HTR3D: variants seen among roughly 807,000 people sequenced by gnomAD.
The protein encoded by HTR3D is 5-hydroxytryptamine receptor 3D.
HTR3D carries 47 observed loss-of-function variants against 45.8 expected under a neutral mutation model. The observed-to-expected ratio is 1.03, with a 90% CI of 0.81 to 1.31. The LOEUF (loss-of-function observed/expected upper bound fraction) is 1.31. Ranked by LOEUF, HTR3D falls within the 50% of genes most tolerant of loss-of-function variation. The probability of loss-of-function intolerance (pLI) is 0.00; values close to 1 mark genes in which losing one functional copy is unlikely to be tolerated. For synonymous variants in HTR3D, 203 were observed against 199.8 expected (o/e 1.02, Z -0.13); for missense variants, 448 against 506.9 (o/e 0.88, Z 1.12).
intron 3 of HTR3D, 84 bp downstream of exon 3, chr3:184,036,184 C>G: frequency 6.7e-7 from 1 of 1,496,118 alleles, no homozygotes; most frequent in African/African-American, 1.4e-5. Context: ...CACAAAGACT[C>G]AACTTAGAAA....
At chr3:184,033,318 G>T (rs543487481) in intron 1 of HTR3D, among the ~76,000 whole-genome samples, 4 of 151,872 alleles carry the variant, frequency 2.6e-5, no homozygotes, top group Non-Finnish European at 5.9e-5. Flanking sequence ...GGCCAGGCTG[G>T]TCTCAAATTC....
Position 184,038,861 on chromosome 3 carries a change from C to G in HTR3D, c.1101C>G (p.His367Gln), listed in dbSNP as rs763797019. Residue 367 changes from histidine (H) to glutamine (Q), a missense_variant, in exon 8 of 8, where the codon CAC (histidine) becomes CAG (glutamine). By Grantham distance (24) the His-to-Gln change is conservative (BLOSUM62 0). Coordinates refer to ENST00000428798, the MANE Select transcript of HTR3D (RefSeq NM_001145143.1). The surrounding 1 kb of genome is among the most constrained non-coding windows in gnomAD (Gnocchi z 4.5). ...AQREHEAQKQ[H>Q]SVELWVQFSH... is the part of the protein sequence containing the mutation. Reference sequence around the variant, plus strand: ...GGGAACACGAGGCCCAGAAGCAGCACTCGGTGGAGCTGTGGGTGCAGTTCA... The same window carrying G: ...GGGAACACGAGGCCCAGAAGCAGCAGTCGGTGGAGCTGTGGGTGCAGTTCA... The G allele has an allele frequency of 7.4e-6, 12 of 1,614,222 alleles. 1 individual carries two copies. Among genetic ancestry groups the G allele is most frequent in the Non-Finnish European group, 1.0e-5 (12 of 1,180,038 alleles).
At chr3:184,034,102 T>C (rs1481652229) in intron 1 of HTR3D, among the ~76,000 whole-genome samples, 1 of 152,184 alleles carries the variant, frequency 6.6e-6, no homozygotes, top group African/African-American at 2.4e-5. Context: ...ATAATTATAC[T>C]TCTGGATAAA....
chr3:184,035,785 A>G (rs191812339), intron 2 of HTR3D, among the ~76,000 whole-genome samples: 4 of 151,814 alleles, frequency 2.6e-5, no homozygotes, highest in African/African-American at 9.7e-5. Flanking sequence ...TCCTGGGTTC[A>G]AGCGATTTTC....
At chr3:184,037,207 T>G (rs1233155348) in intron 5 of HTR3D, among the ~76,000 whole-genome samples, 1 of 151,962 alleles carries the variant, frequency 6.6e-6, no homozygotes, top group Non-Finnish European at 1.5e-5. Flanking sequence ...GCCCGGCTAA[T>G]TTTTGTATTT....
rs759344388 is a variant in HTR3D, at chr3:184,038,215, T to C, written c.711T>C (p.Thr237=). 1.2e-6 allele frequency: 2 copies of C among 1,614,190 alleles called. No individual in the cohort carries two copies. Among genetic ancestry groups the C allele is most frequent in the South Asian group, 1.1e-5 (1 of 91,084 alleles). The stretch of plus-strand genomic sequence containing the variant: ...TGATGAATGACTTGCTCCCAGCCAC[T>C]AGCACTTCATCACATGCTTCACTAG... ...LLMMNDLLPA[T]STSSHASLVR... Residue 237 remains threonine (T), a synonymous_variant, in exon 6 of 8, where the codon ACT becomes ACC. Transcript: ENST00000428798. The surrounding 1 kb of genome is among the most constrained non-coding windows in gnomAD (Gnocchi z 4.5).
chr3:184,031,766 A>C lies in HTR3D; in HGVS notation c.25A>C (p.Lys9Gln). The C allele has an allele frequency of 6.4e-7, 1 of 1,551,468 alleles. No individual in the cohort carries two copies. Among genetic ancestry groups the C allele is most frequent in the Non-Finnish European group, 8.7e-7 (1 of 1,146,830 alleles). ...GATGGAAAGAGGCTGGTTCCATGGG[A>C]AAGGATTCCTCCTTGGCTTCATCCT... MERGWFHG[K>Q]GFLLGFILHL... The change falls in exon 1 of 8, where the codon AAA (lysine) becomes CAA (glutamine). Residue 9 changes from lysine to glutamine, a missense_variant. Lys to Gln is a moderately conservative substitution (Grantham distance 53). Transcript: ENST00000428798.
At position 184,038,505 on chromosome 3, in the gene HTR3D, T is replaced by C. The variant is rs764374269; in HGVS notation, c.866T>C (p.Leu289Pro). Residue 289 changes from leucine to proline, a missense_variant, in exon 7 of 8, where the codon CTA (leucine) becomes CCA (proline). Transcript: ENST00000428798. This position sits in a 1 kb window ranked among gnomAD's most constrained non-coding sequence, Gnocchi z 4.5. The part of the protein sequence containing the change: ...HLLHVATTQP[L>P]PLPRWLHSLL... ...CTGCACGTGGCCACCACCCAGCCCC[T>C]ACCTCTGCCTCGGTGGCTCCACTCC... is the stretch of plus-strand genomic sequence containing the variant. 1.2e-5 allele frequency: 20 copies of C among 1,613,718 alleles called. No individual in the cohort carries two copies. The highest frequency in any genetic ancestry group is 3.3e-4 in the Middle Eastern group (2 of 5,976).
intron 1 of HTR3D, chr3:184,034,962 C>A: frequency 9.2e-7 from 1 of 1,090,208 alleles, no homozygotes; most frequent in Non-Finnish European, 1.2e-6. Flanking sequence ...TTTTGGAATA[C>A]TTGTCAAAAC....
rs1461299249 is a variant in HTR3D, at chr3:184,038,149, C to G, written c.645C>G (p.Phe215Leu). 1 of 1,614,206 alleles carries G rather than the reference C, an allele frequency of 6.2e-7. No homozygotes were observed. Among genetic ancestry groups the G allele is most frequent in the Non-Finnish European group, 8.5e-7 (1 of 1,180,032 alleles). The change falls in exon 6 of 8, where the codon TTC (phenylalanine) becomes TTG (leucine). Residue 215 changes from phenylalanine (F) to leucine (L), a missense_variant. Physicochemically the swap from Phe to Leu is conservative, Grantham distance 22 (BLOSUM62 0). Coordinates refer to ENST00000428798, the MANE Select transcript of HTR3D (RefSeq NM_001145143.1). This position sits in a 1 kb window ranked among gnomAD's most constrained non-coding sequence, Gnocchi z 4.5. ...TGGAAAGTGGGAATTGTGCCCCATTCAAGATGACTGTTCTGCTGGGCTACA... is the reference window on the plus strand; with the variant it reads ...TGGAAAGTGGGAATTGTGCCCCATTGAAGATGACTGTTCTGCTGGGCTACA... Reference protein sequence around the residue: ...LPLESGNCAPFKMTVLLGYSV... With the variant: ...LPLESGNCAPLKMTVLLGYSV...
chr3:184,034,944 T>C, intron 1 of HTR3D: 1 of 914,854 alleles, frequency 1.1e-6, no homozygotes, highest in Non-Finnish European at 1.5e-6. Context: ...GCAGGTAAAA[T>C]CTGTTCTTTT....
chr3:184,032,411 C>T (rs544687443), intron 1 of HTR3D, among the ~76,000 whole-genome samples: 34 of 152,308 alleles, frequency 2.2e-4, no homozygotes, highest in Middle Eastern at 3.4e-3. Context: ...TGATTTGTTT[C>T]CTTAAGATCC....
chr3:184,037,575 A>G (rs1246485634), intron 5 of HTR3D, among the ~76,000 whole-genome samples: 1 of 152,204 alleles, frequency 6.6e-6, no homozygotes, highest in African/African-American at 2.4e-5. Context: ...CCTTAGGGAT[A>G]TGATGATTCC....
At chr3:184,031,683 A>G (rs1035036071), upstream of HTR3D, 5 of 1,212,396 alleles carry the variant, frequency 4.1e-6, no homozygotes, top group African/African-American at 7.5e-5. Context: ...GTGTGATCTG[A>G]GGTTTTTTAA....
chr3:184,039,146 G>A lies in HTR3D; in HGVS notation c.*171G>A, dbSNP rs373720559. On this transcript the variant is annotated 3_prime_UTR_variant, in exon 8 of 8. Transcript: ENST00000428798. ...TAGTCTCCTATGCCCTCCAAAAGTC[G>A]GGTCCTTGCTCCTGCATGCCATCAG... The A allele has an allele frequency of 1.3e-5, 9 of 695,988 alleles. No individual in the cohort carries two copies. Among genetic ancestry groups the A allele is most frequent in the South Asian group, 2.0e-5 (1 of 50,432 alleles). 43.1% of individuals were successfully genotyped at this position (695,988 alleles called of 1,614,324 possible).
At chr3:184,034,089 C>G (rs961383497) in intron 1 of HTR3D, among the ~76,000 whole-genome samples, 1 of 152,032 alleles carries the variant, frequency 6.6e-6, no homozygotes, top group African/African-American at 2.4e-5. Context: ...ACCATACAAC[C>G]AAATAATTAT....
intron 1 of HTR3D, among the ~76,000 whole-genome samples, chr3:184,032,665 C>T (rs796181632): frequency 2.6e-5 from 4 of 152,278 alleles, no homozygotes; most frequent in African/African-American, 9.6e-5. Flanking sequence ...TTTGCATACA[C>T]ATCTGGACAG....
rs1457332254 is a variant in HTR3D at position 184,034,249 on chromosome 3, A to G, written c.67-929A>G. On this transcript the variant is annotated intron_variant, in intron 1 of 7. Coordinates refer to ENST00000428798, the MANE Select transcript of HTR3D (RefSeq NM_001145143.1). ...AGATTAAATGTGGTATGTACTTACAATGGAATACTATGCAGCCTTCAAATG... is the reference window on the plus strand; with the variant it reads ...AGATTAAATGTGGTATGTACTTACAGTGGAATACTATGCAGCCTTCAAATG... 3.9e-5 allele frequency among the ~76,000 whole-genome samples: 6 copies of G among 152,242 alleles called. No individual in the cohort carries two copies. The South Asian group carries it at 1.0e-3, about 26-fold the overall frequency.
At chr3:184,033,119 ATTTTTTT>A in intron 1 of HTR3D, 1 of 908,038 alleles carries the variant, frequency 1.1e-6, no homozygotes, top group Non-Finnish European at 1.6e-6. Context: ...CTCTGACTGG[ATTTTTTT>A]TTTTTTTTTT....
Sources: gnomAD v4.1 joint callset for allele counts (sites outside exome capture counted in the v4.1 genomes callset) on GRCh38, gnomAD v4.1.1 for gene constraint, Gnocchi (gnomAD v3.1) non-coding constraint, MANE v1.5 for transcripts, NCBI Gene and HGNC (gene_info 2026-07-23, HGNC 2026-07-21) for gene names.